Variants in ACKR5 observed in about 807,000 individuals in gnomAD.
The protein encoded by ACKR5 is atypical chemokine receptor 5.
At chr12:56,995,927 C>T in the ACKR5 span, 9 of 1,613,078 alleles carry the variant, frequency 5.6e-6, no homozygotes, top group Admixed American at 3.3e-5. The surrounding 1 kb of genome is among the most constrained non-coding windows in gnomAD (Gnocchi z 4.7). Context: ...CTTCAATGTG[C>T]TGACAGCCTG....
chr12:56,996,488 T>C, the ACKR5 span: 1 of 1,459,540 alleles, frequency 6.9e-7, no homozygotes, highest in Admixed American at 2.3e-5. Flanking sequence ...GGTGGGAGAT[T>C]TGGGGGGATG....
the ACKR5 span, chr12:56,995,911 C>G: frequency 3.1e-6 from 5 of 1,612,668 alleles, no homozygotes; most frequent in East Asian, 1.1e-4. The surrounding 1 kb of genome is among the most constrained non-coding windows in gnomAD (Gnocchi z 4.7). Flanking sequence ...TCCCTCTCAT[C>G]ACAGTCTTCA....
the ACKR5 span, chr12:56,996,083 T>G: frequency 1.9e-6 from 3 of 1,613,348 alleles, no homozygotes; most frequent in South Asian, 3.3e-5. Flanking sequence ...CTCCCTCCAC[T>G]GCCACCTGGT....
At chr12:56,995,952 C>T in the ACKR5 span, 1 of 1,612,420 alleles carries the variant, frequency 6.2e-7, no homozygotes, top group African/African-American at 1.3e-5. The surrounding 1 kb of genome is among the most constrained non-coding windows in gnomAD (Gnocchi z 4.7). Context: ...CTGCGGCAGC[C>T]AGGACAACCC....
the ACKR5 span, chr12:56,995,597 C>T: frequency 1.2e-6 from 2 of 1,614,066 alleles, no homozygotes; most frequent in Admixed American, 1.7e-5. The surrounding 1 kb of genome is among the most constrained non-coding windows in gnomAD (Gnocchi z 4.7). Context: ...CCGCTTCACT[C>T]ACTACTTCTA....
chr12:56,997,004 G>T, the ACKR5 span: 1 of 152,796 alleles, frequency 6.5e-6, no homozygotes. Context: ...TGGGGGCGAA[G>T]CCAAGGTCTG....
chr12:56,995,083 CT>C, the ACKR5 span: 1 of 783,180 alleles, frequency 1.3e-6, no homozygotes, highest in Non-Finnish European at 2.1e-6. The surrounding 1 kb of genome is among the most constrained non-coding windows in gnomAD (Gnocchi z 4.7). Flanking sequence ...CCTTTCTTGC[CT>C]TAGCCCCAGA....
At chr12:56,995,747 C>A in the ACKR5 span, 3 of 1,613,964 alleles carry the variant, frequency 1.9e-6, no homozygotes, top group Non-Finnish European at 2.5e-6. The surrounding 1 kb of genome is among the most constrained non-coding windows in gnomAD (Gnocchi z 4.7). Context: ...CATCTGGGTC[C>A]TCTCGGCCAT....
At chr12:56,995,923 T>G in the ACKR5 span, 2 of 1,613,172 alleles carry the variant, frequency 1.2e-6, no homozygotes, top group Admixed American at 3.3e-5. This position sits in a 1 kb window ranked among gnomAD's most constrained non-coding sequence, Gnocchi z 4.7. Context: ...CAGTCTTCAA[T>G]GTGCTGACAG....
chr12:56,995,237 G>A, the ACKR5 span: 33 of 1,613,858 alleles, frequency 2.0e-5, no homozygotes, highest in South Asian at 3.6e-4. The surrounding 1 kb of genome is among the most constrained non-coding windows in gnomAD (Gnocchi z 4.7). Flanking sequence ...CTGGGGGCCT[G>A]GCCCCTCGGA....
chr12:56,995,998 CG>C, the ACKR5 span: 1 of 1,610,344 alleles, frequency 6.2e-7, no homozygotes, highest in Non-Finnish European at 8.5e-7. The surrounding 1 kb of genome is among the most constrained non-coding windows in gnomAD (Gnocchi z 4.7). Flanking sequence ...TGTGCGCCTA[CG>C]TGGCCGTCTT....
At chr12:56,995,945 C>T in the ACKR5 span, 49 of 1,611,996 alleles carry the variant, frequency 3.0e-5, no homozygotes, top group Middle Eastern at 1.6e-4. This position sits in a 1 kb window ranked among gnomAD's most constrained non-coding sequence, Gnocchi z 4.7. Flanking sequence ...CTGCCGGCTG[C>T]GGCAGCCAGG....
At chr12:56,995,983 G>A in the ACKR5 span, 2 of 1,610,808 alleles carry the variant, frequency 1.2e-6, no homozygotes, top group Non-Finnish European at 8.5e-7. This position sits in a 1 kb window ranked among gnomAD's most constrained non-coding sequence, Gnocchi z 4.7. Flanking sequence ...GCCACTGCCT[G>A]CTGCTGTGCG....
At chr12:56,996,451 G>A in the ACKR5 span, 1 of 1,536,978 alleles carries the variant, frequency 6.5e-7, no homozygotes, top group South Asian at 1.3e-5. Flanking sequence ...CTCCAACAGT[G>A]AAGGAAAAGG....
chr12:56,995,575 C>A, the ACKR5 span: 2 of 1,614,156 alleles, frequency 1.2e-6, no homozygotes, highest in Middle Eastern at 3.3e-4. The surrounding 1 kb of genome is among the most constrained non-coding windows in gnomAD (Gnocchi z 4.7). Flanking sequence ...GGCTCTGGGG[C>A]AGCTTCTCCT....
chr12:56,996,408 C>T, the ACKR5 span: 6 of 1,583,690 alleles, frequency 3.8e-6, no homozygotes, highest in East Asian at 8.9e-5. Flanking sequence ...CCCACTCAGC[C>T]TCTTACACCC....
the ACKR5 span, chr12:56,995,600 T>TAC: frequency 6.2e-7 from 1 of 1,614,174 alleles, no homozygotes; most frequent in Non-Finnish European, 8.5e-7. This position sits in a 1 kb window ranked among gnomAD's most constrained non-coding sequence, Gnocchi z 4.7. Context: ...CTTCACTCAC[T>TAC]ACTTCTACTT....
chr12:56,995,446 G>A, the ACKR5 span: 2 of 1,614,212 alleles, frequency 1.2e-6, no homozygotes, highest in Non-Finnish European at 8.5e-7. The surrounding 1 kb of genome is among the most constrained non-coding windows in gnomAD (Gnocchi z 4.7). Context: ...GCGTCAACTG[G>A]CGCGGCTCAG....
chr12:56,996,173 T>A, the ACKR5 span: 18 of 1,613,988 alleles, frequency 1.1e-5, no homozygotes, highest in Non-Finnish European at 1.5e-5. Context: ...CCTTTACAAC[T>A]TTCTCAGCCC....
Sources: allele counts gnomAD v4.1 joint callset, GRCh38; gene constraint gnomAD v4.1.1; non-coding constraint Gnocchi (gnomAD v3.1); transcripts MANE v1.5; gene names NCBI Gene and HGNC (gene_info 2026-07-23, HGNC 2026-07-21).